Variants in BCL2 observed in about 807,000 individuals in gnomAD.
BCL2 encodes the protein BCL2 apoptosis regulator, also known as apoptosis regulator Bcl-2.
A neutral mutation model predicts 14.2 loss-of-function variants in BCL2; 1 was observed. The observed-to-expected ratio is 0.07, with a 90% confidence interval of 0.02 to 0.33. The LOEUF (loss-of-function observed/expected upper bound fraction) is 0.33. Among genes scored for constraint, BCL2 ranks in the 10% least tolerant of loss-of-function variants. The pLI, the probability that BCL2 is intolerant of heterozygous loss-of-function variation, is 0.99. For synonymous variants in BCL2, 151 were observed against 137.2 expected, an observed-to-expected ratio of 1.10 and a Z score of -0.70; for missense variants, 247 against 305.9, an observed-to-expected ratio of 0.81 and a Z score of 1.44.
chr18:63,271,113 C>A (rs891393398), intron 2 of BCL2, among the ~76,000 whole-genome samples: 4 of 152,204 alleles, frequency 2.6e-5, no homozygotes, highest in Non-Finnish European at 4.4e-5. Context: ...TGAGCCACTG[C>A]GCCTGGCCAA....
chr18:63,177,073 C>T (rs6567329), intron 2 of BCL2, among the ~76,000 whole-genome samples: 45,975 of 151,708 alleles, frequency 0.3, 9,227 homozygotes, highest in African/African-American at 0.54. Flanking sequence ...CACACCCCCA[C>T]GCCCATGTAA....
chr18:63,318,937 T>G lies in BCL2; in HGVS notation c.-271A>C, dbSNP rs1357914547. The G allele has an allele frequency of 3.2e-5, 43 of 1,347,944 alleles. No homozygotes were observed. Among genetic ancestry groups the G allele is most frequent in the Non-Finnish European group, 4.0e-5 (42 of 1,043,968 alleles). 83.5% of individuals were successfully genotyped at this position (1,347,944 alleles called of 1,614,324 possible). On this transcript the variant is annotated 5_prime_UTR_variant, in exon 2 of 3. The change abolishes the stop of an existing upstream ORF in the 5' untranslated region. Transcript: ENST00000333681. The surrounding 1 kb of genome is among the most constrained non-coding windows in gnomAD (Gnocchi z 7.4). ...TTAGTAAGTATTGTTAATATCAGTCTACTTCCTCTGTGATGCTGAAAGGTT... is the reference window on the plus strand; with the variant it reads ...TTAGTAAGTATTGTTAATATCAGTCGACTTCCTCTGTGATGCTGAAAGGTT...
chr18:63,163,571 C>G (rs181916602), intron 2 of BCL2, among the ~76,000 whole-genome samples: 1 of 152,170 alleles, frequency 6.6e-6, no homozygotes. Context: ...AATTTGATTG[C>G]ATGTTGCCTG....
intron 2 of BCL2, among the ~76,000 whole-genome samples, chr18:63,146,475 T>A (rs1413980304): frequency 6.6e-6 from 1 of 152,224 alleles, no homozygotes; most frequent in Non-Finnish European, 1.5e-5. Flanking sequence ...AGGCCTGCGA[T>A]CCACGCTGGA....
At position 63,128,256 on chromosome 18, in the gene BCL2, G is replaced by A. The variant is rs907237583; in HGVS notation, c.*369C>T. The A allele has an allele frequency of 4.2e-5, 10 of 237,818 alleles. No homozygotes were observed. The highest frequency in any genetic ancestry group is 1.3e-3 in the Middle Eastern group (1 of 792). The allele number at this position is 237,818 out of a possible 1,614,324, so 14.7% of individuals were successfully genotyped here. A position where few individuals can be genotyped will look rare whatever the true frequency, so the allele number is the denominator to read the frequency against. On this transcript the variant is annotated 3_prime_UTR_variant, in exon 3 of 3. Transcript: ENST00000333681. Reference sequence around the variant, plus strand: ...TGATCCGGCCAACAACATGGAAAGCGAATCTATGTTTACAGGCACAGAACA... The same window carrying A: ...TGATCCGGCCAACAACATGGAAAGCAAATCTATGTTTACAGGCACAGAACA...
intron 2 of BCL2, among the ~76,000 whole-genome samples, chr18:63,198,285 T>C (rs1215047068): frequency 2.2e-4 from 18 of 81,486 alleles, no homozygotes; most frequent in South Asian, 8.6e-4. Context: ...GAGACACACA[T>C]AGACACAGAG....
At chr18:63,189,582 C>A (rs74882475) in intron 2 of BCL2, among the ~76,000 whole-genome samples, 6,560 of 152,128 alleles carry the variant, frequency 0.043, 177 homozygotes, top group African/African-American at 0.07. Flanking sequence ...TGTTTTTCTG[C>A]GTTAGGCTCA....
At chr18:63,267,279 C>T (rs920015411) in intron 2 of BCL2, among the ~76,000 whole-genome samples, 6 of 152,108 alleles carry the variant, frequency 3.9e-5, no homozygotes, top group Non-Finnish European at 8.8e-5. Context: ...GTCAGGAGGA[C>T]AGGTTGGAGA....
chr18:63,160,814 G>A lies in BCL2; in HGVS notation c.586-32055C>T, dbSNP rs78217680. ...CCACATCGCTTCCTTTGGGGTGGGG[G>A]TAAGGGTACCCCTGCTCCAGGGGTC... On this transcript the variant is annotated intron_variant, in intron 2 of 2. Coordinates refer to ENST00000333681, the MANE Select transcript of BCL2 (RefSeq NM_000633.3). 1.4e-4 allele frequency among the ~76,000 whole-genome samples: 21 copies of A among 152,204 alleles called. No individual in the cohort carries two copies. The East Asian group carries it at 4.1e-3, about 29-fold the overall frequency.
At chr18:63,296,987 C>G (rs896820369) in intron 2 of BCL2, among the ~76,000 whole-genome samples, 2 of 152,086 alleles carry the variant, frequency 1.3e-5, no homozygotes, top group Admixed American at 1.3e-4. Context: ...CCGAGGCGGG[C>G]GGACCACGAG....
At chr18:63,247,989 C>A (rs892693755) in intron 2 of BCL2, among the ~76,000 whole-genome samples, 2 of 152,154 alleles carry the variant, frequency 1.3e-5, no homozygotes, top group African/African-American at 4.8e-5. Context: ...AGGCCAATGA[C>A]CCCATAACTT....
chr18:63,209,616 G>A (rs1020987659), intron 2 of BCL2, among the ~76,000 whole-genome samples: 2 of 152,190 alleles, frequency 1.3e-5, no homozygotes, highest in African/African-American at 2.4e-5. Context: ...ATTCTCCAAG[G>A]TGGCATGGAC....
At chr18:63,202,870 C>T (rs138787247) in intron 2 of BCL2, among the ~76,000 whole-genome samples, 167 of 152,334 alleles carry the variant, frequency 1.1e-3, no homozygotes, top group African/African-American at 3.7e-3. Context: ...CTATGTTGGC[C>T]TGCCCTGCTG....
chr18:63,290,069 A>C (rs1912602119), intron 2 of BCL2, among the ~76,000 whole-genome samples: 1 of 152,108 alleles, frequency 6.6e-6, no homozygotes, highest in Admixed American at 6.5e-5. Flanking sequence ...TGGGCTCAAA[A>C]ACCTGAGCAG....
chr18:63,242,760 T>C (rs925260612), intron 2 of BCL2, among the ~76,000 whole-genome samples: 2 of 152,162 alleles, frequency 1.3e-5, no homozygotes, highest in African/African-American at 4.8e-5. Flanking sequence ...TTAATTGATA[T>C]TAGATAAAAT....
At chr18:63,310,448 A>G (rs1022300957) in intron 2 of BCL2, among the ~76,000 whole-genome samples, 1 of 152,152 alleles carries the variant, frequency 6.6e-6, no homozygotes, top group African/African-American at 2.4e-5. Flanking sequence ...TCTCAACATT[A>G]TCTCCGGCAT....
chr18:63,262,532 ATT>A (rs1911691395), intron 2 of BCL2, among the ~76,000 whole-genome samples: 1 of 152,124 alleles, frequency 6.6e-6, no homozygotes. Context: ...ACAAGTGGCT[ATT>A]TTGGTCTGTC....
rs1323109540 is a variant in BCL2, at chr18:63,169,283, TCTTTCTTTCTTTCTTTCTTTCTTTCTTC to T, written c.586-40552_586-40525del. ...TTCTTTCTTTCTTTCTTTCTTTCTT[TCTTTCTTTCTTTCTTTCTTTCTTTCTTC>T]CTTCCTTCCTTCTTTCCTTTCCTTC... On this transcript the variant is annotated intron_variant, in intron 2 of 2. Coordinates refer to ENST00000333681, the MANE Select transcript of BCL2 (RefSeq NM_000633.3). 1.2e-3 allele frequency among the ~76,000 whole-genome samples: 78 copies of T among 67,622 alleles called. 5 individuals are homozygous for T. The highest frequency in any genetic ancestry group is 1.5e-3 in the Non-Finnish European group (62 of 40,400). 44.4% of individuals were successfully genotyped at this position (67,622 alleles called of 152,430 possible).
rs1234343870 is a variant in BCL2, at chr18:63,123,879, A to C, written c.*4746T>G. 4.6e-6 allele frequency: 1 copy of C among 218,148 alleles called. No homozygotes were observed. Among genetic ancestry groups the C allele is most frequent in the East Asian group, 6.7e-5 (1 of 14,926 alleles). The allele number at this position is 218,148 out of a possible 1,614,324, so 13.5% of individuals were successfully genotyped here. On this transcript the variant is annotated 3_prime_UTR_variant, in exon 3 of 3. Transcript: ENST00000333681. ...AAGGTTTAGGTGCATGGATTTACTC[A>C]GTATCTACACTACAGTCTTATTTAT...
Sources: allele counts gnomAD v4.1 joint callset (sites outside exome capture counted in the v4.1 genomes callset), GRCh38; gene constraint gnomAD v4.1.1; non-coding constraint Gnocchi (gnomAD v3.1); transcripts MANE v1.5; gene names NCBI Gene and HGNC (gene_info 2026-07-23, HGNC 2026-07-21).